The following LRBA variants were observed in gnomAD, a reference collection of about 807,000 sequenced individuals.
LRBA encodes lipopolysaccharide-responsive and beige-like anchor protein.
LRBA carries 176 observed loss-of-function variants against 330.0 expected under a neutral mutation model. The observed-to-expected ratio is 0.53, with a 90% CI of 0.47 to 0.60. The LOEUF is 0.60. LRBA is among the 20% of genes least tolerant of loss of function. The pLI, the probability that LRBA is intolerant of heterozygous loss-of-function variation, is 0.00. For synonymous variants in LRBA, 1,230 were observed against 1,193.0 expected (o/e 1.03, Z -0.64); for missense variants, 3,259 against 3,444.8 (o/e 0.95, Z 1.35).
intron 2 of LRBA, among the ~76,000 whole-genome samples, chr4:150,964,737 G>A (rs1034465842): frequency 3.4e-4 from 51 of 151,976 alleles, no homozygotes; most frequent in African/African-American, 1.2e-3. Flanking sequence ...TTGTTCACAT[G>A]TTTATCTGCT....
intron 47 of LRBA, among the ~76,000 whole-genome samples, chr4:150,374,174 T>TC (rs1466565375): frequency 2.0e-5 from 3 of 152,166 alleles, no homozygotes; most frequent in African/African-American, 7.2e-5. Context: ...GAAACGTTTC[T>TC]CCCTCTATGA....
intron 37 of LRBA, among the ~76,000 whole-genome samples, chr4:150,646,166 C>A (rs989193282): frequency 2.0e-5 from 3 of 151,702 alleles, no homozygotes; most frequent in Non-Finnish European, 4.4e-5. Flanking sequence ...TGGGAAATGT[C>A]CAGATTCTGG....
At chr4:150,859,251 T>C (rs1751602711) in intron 22 of LRBA, among the ~76,000 whole-genome samples, 1 of 152,204 alleles carries the variant, frequency 6.6e-6, no homozygotes, top group African/African-American at 2.4e-5. Flanking sequence ...TTTTAAGTCA[T>C]AAACCCATTC....
chr4:150,277,900 T>C lies in LRBA; in HGVS notation c.8421A>G (p.Pro2807=), dbSNP rs555829197. 9 of 1,614,112 alleles carry C rather than the reference T, an allele frequency of 5.6e-6. No individual in the cohort carries two copies. The highest frequency in any genetic ancestry group is 1.3e-5 in the African/African-American group (1 of 75,016). Residue 2807 remains proline, a synonymous_variant, in exon 56 of 57, where the codon CCA becomes CCG. Coordinates refer to ENST00000651943, the MANE Select transcript of LRBA (RefSeq NM_001364905.1). ...TGGCCCGGATTCCAGCGTCACATCC[T>C]GGATAGGCAAAGAGCTGCTTGAGGT... is the stretch of plus-strand genomic sequence containing the variant. ...VSDLKQLFAY[P]GCDAGIRAMA... is the part of the protein sequence containing the mutation.
intron 34 of LRBA, 111 bp downstream of exon 34, chr4:150,797,970 C>G: frequency 1.5e-6 from 1 of 661,458 alleles, no homozygotes; most frequent in Non-Finnish European, 2.7e-6. Context: ...AAACAGCAAA[C>G]TCACAATTTT....
intron 36 of LRBA, among the ~76,000 whole-genome samples, chr4:150,709,257 T>C (rs1337882774): frequency 6.6e-6 from 1 of 151,900 alleles, no homozygotes; most frequent in Non-Finnish European, 1.5e-5. Flanking sequence ...TGTTTCAAAA[T>C]TAAGTTACCC....
At chr4:150,905,542 T>C (rs1324531560) in intron 13 of LRBA, among the ~76,000 whole-genome samples, 1 of 152,120 alleles carries the variant, frequency 6.6e-6, no homozygotes, top group East Asian at 1.9e-4. Flanking sequence ...AAACTTTATT[T>C]CATTTAATTT....
intron 40 of LRBA, among the ~76,000 whole-genome samples, chr4:150,522,263 T>C (rs1327555156): frequency 6.6e-6 from 1 of 152,166 alleles, no homozygotes; most frequent in Non-Finnish European, 1.5e-5. Context: ...AAATTTCTAT[T>C]GTTTACAAAT....
intron 44 of LRBA, among the ~76,000 whole-genome samples, chr4:150,456,687 C>T (rs985215095): frequency 1.3e-5 from 2 of 151,958 alleles, no homozygotes; most frequent in Non-Finnish European, 2.9e-5. Context: ...TGATGTGGTC[C>T]CATTTGCCCG....
chr4:150,517,883 C>G (rs374623888), intron 40 of LRBA, among the ~76,000 whole-genome samples: 14 of 152,110 alleles, frequency 9.2e-5, no homozygotes, highest in African/African-American at 3.4e-4. Context: ...TCAGACTTTC[C>G]GCCCACAAAT....
At position 150,396,769 on chromosome 4, in the gene LRBA, T is replaced by C. The variant is rs60739362; in HGVS notation, c.7194+18669A>G. Among the ~76,000 whole-genome samples, 1,475 of 152,258 alleles carry C rather than the reference T, an allele frequency of 9.7e-3. 18 individuals carry two copies. Among genetic ancestry groups the C allele is most frequent in the African/African-American group, 0.033 (1,389 of 41,540 alleles). On this transcript the variant is annotated intron_variant, in intron 47 of 56. Coordinates refer to ENST00000651943, the MANE Select transcript of LRBA (RefSeq NM_001364905.1). ...AAGTGCCATATGAAATGAATAAACT[T>C]ATAGTCTAGAAAAAATAGGAAATGA...
At chr4:150,391,815 G>C (rs1170801482) in intron 47 of LRBA, among the ~76,000 whole-genome samples, 1 of 151,730 alleles carries the variant, frequency 6.6e-6, no homozygotes. Context: ...TCTTCCTCTT[G>C]AGTGCCACTT....
rs1030836390 is a variant in LRBA, at chr4:150,612,513, C to T, written c.5922-13382G>A. On this transcript the variant is annotated intron_variant, in intron 37 of 56. Transcript: ENST00000651943. ...TGGAAGCCGGTTCTCTGAATAGTTG[C>T]TGTCATCTCCTAGATACTTTCTAGT... Among the ~76,000 whole-genome samples the T allele has an allele frequency of 3.3e-5, 5 of 152,178 alleles. No individual in the cohort carries two copies. In the South Asian group the frequency reaches 1.0e-3, roughly 32 times the overall value.
chr4:150,457,945 G>A (rs1415053750), intron 44 of LRBA, among the ~76,000 whole-genome samples: 1 of 151,892 alleles, frequency 6.6e-6, no homozygotes, highest in Non-Finnish European at 1.5e-5. Context: ...TTAACTTTGA[G>A]AAGGATTACT....
intron 41 of LRBA, among the ~76,000 whole-genome samples, chr4:150,490,024 A>C (rs528842392): frequency 6.6e-6 from 1 of 151,538 alleles, no homozygotes; most frequent in Non-Finnish European, 1.5e-5. Context: ...TGGGACAGCA[A>C]GGATGCGGAC....
Position 150,559,545 on chromosome 4 carries a change from G to T in LRBA, c.6330+28503C>A, listed in dbSNP as rs1464628169. ...AAAAATATATATACATTATATATAAGATAAATATATATATTTATATAAATA... is the reference window on the plus strand; with the variant it reads ...AAAAATATATATACATTATATATAATATAAATATATATATTTATATAAATA... On this transcript the variant is annotated intron_variant, in intron 40 of 56. Coordinates refer to ENST00000651943, the MANE Select transcript of LRBA (RefSeq NM_001364905.1). Among the ~76,000 whole-genome samples the T allele has an allele frequency of 3.4e-4, 42 of 123,288 alleles. 1 individual carries two copies. In the Admixed American group the frequency reaches 4.1e-3, roughly 12 times the overall value. 80.9% of individuals were successfully genotyped at this position (123,288 alleles called of 152,430 possible).
Position 150,599,127 on chromosome 4 carries a change from G to A in LRBA, c.5926C>T (p.Pro1976Ser), listed in dbSNP as rs973002723. The A allele has an allele frequency of 6.2e-7, 1 of 1,613,956 alleles. No individual in the cohort carries two copies. Among genetic ancestry groups the A allele is most frequent in the South Asian group, 1.1e-5 (1 of 91,064 alleles). Residue 1976 changes from proline to serine, a missense_variant, in exon 38 of 57, where the codon CCT becomes TCT. Coordinates refer to ENST00000651943, the MANE Select transcript of LRBA (RefSeq NM_001364905.1). ...TAGTCAAGGCGCCAGAACTCAAGAGGACGACTACAATGAAACAGAGAAGCC... is the reference window on the plus strand; with the variant it reads ...TAGTCAAGGCGCCAGAACTCAAGAGAACGACTACAATGAAACAGAGAAGCC... ...GAWGNSAVSR[P>S]LEFWRLDYWE... is the part of the protein sequence containing the mutation.
intron 42 of LRBA, among the ~76,000 whole-genome samples, chr4:150,473,456 T>C (rs546516794): frequency 1.3e-5 from 2 of 152,352 alleles, no homozygotes; most frequent in South Asian, 4.1e-4. Context: ...AGATTAGTAC[T>C]TGAACCAGTG....
intron 32 of LRBA, among the ~76,000 whole-genome samples, 192 bp downstream of exon 32, chr4:150,808,128 A>G (rs1448320886): frequency 1.3e-5 from 2 of 151,920 alleles, no homozygotes; most frequent in Non-Finnish European, 2.9e-5. Context: ...GTACATCATC[A>G]AATGACTTGT....
Sources: gnomAD v4.1 joint callset for allele counts (sites outside exome capture counted in the v4.1 genomes callset) on GRCh38, gnomAD v4.1.1 for gene constraint, MANE v1.5 for transcripts, NCBI Gene and HGNC (gene_info 2026-07-23, HGNC 2026-07-21) for gene names.